FAM120B: variants seen among roughly 807,000 people sequenced by gnomAD.
FAM120B encodes constitutive coactivator of peroxisome proliferator-activated receptor gamma.
Under a neutral mutation model 96.3 loss-of-function variants are expected in FAM120B, and 83 were observed. That is an observed-to-expected ratio of 0.86 (90% CI 0.72 to 1.03). FAM120B has a LOEUF of 1.03. FAM120B is among the 50% of genes least tolerant of loss of function. The pLI is 0.00. For synonymous variants in FAM120B, 407 were observed against 402.7 expected (o/e 1.01, Z -0.13); for missense variants, 1,027 against 1,121.2 (o/e 0.92, Z 1.20).
intron 6 of FAM120B, among the ~76,000 whole-genome samples, chr6:170,364,007 AC>A (rs1198279024): frequency 6.6e-6 from 1 of 152,204 alleles, no homozygotes; most frequent in African/African-American, 2.4e-5. Context: ...TGCTGGGATT[AC>A]AGTCATGAGC....
At chr6:170,320,386 A>G (rs1360385640) in intron 2 of FAM120B, among the ~76,000 whole-genome samples, 2 of 152,210 alleles carry the variant, frequency 1.3e-5, no homozygotes, top group East Asian at 3.8e-4. Flanking sequence ...GAAACATTAC[A>G]GTGCAGTGAG....
intron 4 of FAM120B, among the ~76,000 whole-genome samples, chr6:170,335,129 T>C (rs1328206737): frequency 1.3e-5 from 2 of 151,890 alleles, no homozygotes; most frequent in Non-Finnish European, 2.9e-5. Context: ...CATTGTGGTT[T>C]GTTGCACCTA....
intron 1 of FAM120B, among the ~76,000 whole-genome samples, chr6:170,311,670 G>A (rs1784603359): frequency 6.6e-6 from 1 of 152,204 alleles, no homozygotes; most frequent in Non-Finnish European, 1.5e-5. Context: ...TCGTGTCCAA[G>A]AGACTGTTGT....
At chr6:170,394,655 G>A (rs9295404) in intron 8 of FAM120B, among the ~76,000 whole-genome samples, 936 of 13,430 alleles carry the variant, frequency 0.07, 156 homozygotes, top group Non-Finnish European at 0.12. Flanking sequence ...ATGCCAGCAC[G>A]AGGCCACGCC....
At chr6:170,402,169 CTTAAATA>C (rs796776141) in intron 9 of FAM120B, among the ~76,000 whole-genome samples, 8 of 152,380 alleles carry the variant, frequency 5.3e-5, no homozygotes, top group African/African-American at 1.9e-4. Flanking sequence ...TGTGCGCCCT[CTTAAATA>C]TTAAATATTA....
chr6:170,373,444 C>T (rs1305160873), intron 6 of FAM120B, among the ~76,000 whole-genome samples: 1 of 152,194 alleles, frequency 6.6e-6, no homozygotes, highest in Non-Finnish European at 1.5e-5. Context: ...AGGAGAGTCA[C>T]CAGGTGACTT....
intron 6 of FAM120B, among the ~76,000 whole-genome samples, chr6:170,380,763 A>C (rs894588274): frequency 6.6e-6 from 1 of 152,146 alleles, no homozygotes; most frequent in East Asian, 1.9e-4. Context: ...TATTAGATGC[A>C]TGGTTTGCAA....
chr6:170,297,081 C>T (rs3734774), intron 1 of FAM120B, among the ~76,000 whole-genome samples: 15,622 of 152,240 alleles, frequency 0.1, 1,013 homozygotes, highest in East Asian at 0.2. Context: ...CTCAGAGGCT[C>T]GCAAACAATA....
chr6:170,364,475 C>T (rs983545310), intron 6 of FAM120B, among the ~76,000 whole-genome samples: 2 of 152,198 alleles, frequency 1.3e-5, no homozygotes, highest in African/African-American at 2.4e-5. Flanking sequence ...TCTTGCTCCT[C>T]TTTATTTTCC....
intron 6 of FAM120B, among the ~76,000 whole-genome samples, chr6:170,382,785 G>C (rs922025025): frequency 6.6e-6 from 1 of 152,134 alleles, no homozygotes; most frequent in African/African-American, 2.4e-5. Flanking sequence ...TTTTGTAGAT[G>C]CGCAAGATTA....
In FAM120B at chr6:170,308,166, C is replaced by T. The variant is rs6905192; in HGVS notation, c.-22+1324C>T. ...TCTGTGTTCTGATACCTTCTTCATC[C>T]CATTTCTGCCATCTCCCAGCTCCAT... On this transcript the variant is annotated intron_variant, in intron 1 of 10. Coordinates refer to ENST00000476287, the MANE Select transcript of FAM120B (RefSeq NM_032448.3). Among the ~76,000 whole-genome samples, 1,121 of 152,310 alleles carry T rather than the reference C, an allele frequency of 7.4e-3. 10 individuals are homozygous for T. Among genetic ancestry groups the T allele is most frequent in the African/African-American group, 0.026 (1,065 of 41,560 alleles).
rs929640399 is a variant in FAM120B at position 170,406,960 on chromosome 6, AT to A, written c.*2215del. ...TACCTTTGAAAAACCAGAGAGCTGA[AT>A]TTTTTGTCATTCTAAGTTGTAAGTA... On this transcript the variant is annotated 3_prime_UTR_variant, in exon 11 of 11. Coordinates refer to ENST00000476287, the MANE Select transcript of FAM120B (RefSeq NM_032448.3). 6.6e-6 allele frequency: 1 copy of A among 152,182 alleles called. No homozygotes were observed. Among genetic ancestry groups the A allele is most frequent in the African/African-American group, 2.4e-5 (1 of 41,456 alleles). 9.4% of individuals were successfully genotyped at this position (152,182 alleles called of 1,614,324 possible). A position where few individuals can be genotyped will look rare whatever the true frequency, so the allele number is the denominator to read the frequency against.
At chr6:170,342,532 G>GCA (rs1786904434) in intron 4 of FAM120B, among the ~76,000 whole-genome samples, 2 of 152,188 alleles carry the variant, frequency 1.3e-5, no homozygotes, top group African/African-American at 4.8e-5. Flanking sequence ...CAGCAATGGG[G>GCA]CACTCAGGAG....
chr6:170,295,613 G>T lies in FAM120B; in HGVS notation c.48+160G>T, dbSNP rs1783981224. Reference sequence around the variant, plus strand: ...CGGGGGCGAAGGAATCAGCCCCGCAGCGGCTCCTAAGCCTCCCCGCTGGCC... The same window carrying T: ...CGGGGGCGAAGGAATCAGCCCCGCATCGGCTCCTAAGCCTCCCCGCTGGCC... On this transcript the variant is annotated intron_variant, in intron 1 of 10. Coordinates refer to the FAM120B transcript ENST00000537664. This position sits in a 1 kb window ranked among gnomAD's most constrained non-coding sequence, Gnocchi z 7.8. Among the ~76,000 whole-genome samples the T allele has an allele frequency of 6.6e-6, 1 of 152,224 alleles. No individual in the cohort carries two copies. Among genetic ancestry groups the T allele is most frequent in the South Asian group, 2.1e-4 (1 of 4,834 alleles).
chr6:170,353,599 G>A (rs115602707), intron 5 of FAM120B, among the ~76,000 whole-genome samples: 2,171 of 151,364 alleles, frequency 0.014, 50 homozygotes, highest in African/African-American at 0.05. Flanking sequence ...GCAAAGTCTC[G>A]GGATATAAAA....
At chr6:170,317,257 G>A in intron 1 of FAM120B, 113 bp from the exon 2 acceptor site, 1 of 806,858 alleles carries the variant, frequency 1.2e-6, no homozygotes, top group Non-Finnish European at 2.0e-6. Flanking sequence ...TTACCTTGGA[G>A]ACAAGAGTGT....
intron 6 of FAM120B, among the ~76,000 whole-genome samples, chr6:170,386,153 TG>T (rs988090267): frequency 1.2e-4 from 19 of 152,154 alleles, no homozygotes; most frequent in Admixed American, 1.3e-4. Flanking sequence ...GTTTGCCGAT[TG>T]TAACAAATGT....
At chr6:170,316,780 ATC>A (rs1399017168) in intron 1 of FAM120B, among the ~76,000 whole-genome samples, 1 of 152,216 alleles carries the variant, frequency 6.6e-6, no homozygotes, top group African/African-American at 2.4e-5. Context: ...TGGTTAATGT[ATC>A]TGTCACCCCC....
At position 170,348,210 on chromosome 6, in the gene FAM120B, C is replaced by T. The variant is rs1463827119; in HGVS notation, c.2077C>T (p.Arg693Cys). Reference sequence around the variant, plus strand: ...CCAAGAGCCAGAAATACAGGTTCGGCGCTTGGACACACTCCTAGCCTGTTT... The same window carrying T: ...CCAAGAGCCAGAAATACAGGTTCGGTGCTTGGACACACTCCTAGCCTGTTT... ...LNQEPEIQVRRLDTLLACFNL... is the reference protein window; with the variant it reads ...LNQEPEIQVRCLDTLLACFNL... The change falls in exon 5 of 11, where the codon CGC becomes TGC. Residue 693 changes from arginine to cysteine, a missense_variant. Arg to Cys is a radical substitution (Grantham distance 180). Coordinates refer to ENST00000476287, the MANE Select transcript of FAM120B (RefSeq NM_032448.3). 4 of 1,613,914 alleles carry T rather than the reference C, an allele frequency of 2.5e-6. No homozygotes were observed. Among genetic ancestry groups the T allele is most frequent in the South Asian group, 1.1e-5 (1 of 91,078 alleles).
Sources: allele counts gnomAD v4.1 joint callset (sites outside exome capture counted in the v4.1 genomes callset), GRCh38; gene constraint gnomAD v4.1.1; non-coding constraint Gnocchi (gnomAD v3.1); transcripts MANE v1.5; gene names NCBI Gene and HGNC (gene_info 2026-07-23, HGNC 2026-07-21).